NAA15: variants seen among roughly 807,000 people sequenced by gnomAD.
NAA15 encodes N-terminal acetyltransferase.
NAA15 carries 34 observed loss-of-function variants against 114.0 expected under a neutral mutation model. The ratio of observed to expected loss-of-function variants is 0.30; its 90% CI spans 0.23 to 0.40. NAA15 has a LOEUF of 0.40. NAA15 is among the 10% of genes least tolerant of loss of function. The probability of loss-of-function intolerance (pLI) is 1.00; values close to 1 mark genes in which losing one functional copy is unlikely to be tolerated. For missense variants in NAA15, 658 were observed against 1,004.5 expected, an observed-to-expected ratio of 0.66 and a Z score of 4.66; for synonymous variants, 340 against 338.0, an observed-to-expected ratio of 1.01 and a Z score of -0.06.
intron 11 of NAA15, 61 bp downstream of exon 11, chr4:139,357,616 T>C: frequency 1.8e-6 from 2 of 1,099,184 alleles, no homozygotes; most frequent in Non-Finnish European, 1.3e-6. Context: ...ACTTTTTCTC[T>C]GTATTTTATA....
intron 15 of NAA15, among the ~76,000 whole-genome samples, chr4:139,370,907 T>C (rs1359282044): frequency 6.6e-6 from 1 of 152,246 alleles, no homozygotes; most frequent in African/African-American, 2.4e-5. Flanking sequence ...ACCTCTGTTG[T>C]CAGTTTACAT....
At chr4:139,354,326 T>C (rs538165901) in intron 10 of NAA15, among the ~76,000 whole-genome samples, 9 of 152,298 alleles carry the variant, frequency 5.9e-5, no homozygotes, top group African/African-American at 1.9e-4. Context: ...TGAGACATGA[T>C]CTTGCTCTGT....
chr4:139,358,165 A>C (rs10004992), intron 11 of NAA15, among the ~76,000 whole-genome samples: 33,517 of 151,328 alleles, frequency 0.22, 4,091 homozygotes, highest in South Asian at 0.39. Context: ...AATATTTAAG[A>C]AGTTTTTTTG....
At chr4:139,304,197 C>T (rs1283391768) in intron 1 of NAA15, among the ~76,000 whole-genome samples, 3 of 152,218 alleles carry the variant, frequency 2.0e-5, no homozygotes, top group Admixed American at 2.0e-4. Context: ...CTATTACAGG[C>T]GTCAGCCACC....
At position 139,391,195 on chromosome 4, in the gene NAA15, T is replaced by C. The variant is rs887999445; in HGVS notation, c.*3111T>C. ...TAGCTAATGCCCCACTTCTTTAAGT[T>C]ATAAACAAAGTTTCATGATACCATT... On this transcript the variant is annotated 3_prime_UTR_variant, in exon 20 of 20. Coordinates refer to ENST00000296543, the MANE Select transcript of NAA15 (RefSeq NM_057175.5). 2 of 152,210 alleles carry C rather than the reference T, an allele frequency of 1.3e-5. No individual in the cohort carries two copies. The allele number at this position is 152,210 out of a possible 1,614,324, so 9.4% of individuals were successfully genotyped here. A position where few individuals can be genotyped will look rare whatever the true frequency, so the allele number is the denominator to read the frequency against.
chr4:139,374,009 A>AT (rs540557977), intron 15 of NAA15, among the ~76,000 whole-genome samples: 3 of 151,606 alleles, frequency 2.0e-5, no homozygotes, highest in Non-Finnish European at 4.4e-5. Flanking sequence ...CCAGCCTAGC[A>AT]TTTTTTTTCC....
At chr4:139,314,267 G>A (rs1444326976) in intron 1 of NAA15, among the ~76,000 whole-genome samples, 1 of 151,818 alleles carries the variant, frequency 6.6e-6, no homozygotes, top group African/African-American at 2.4e-5. Context: ...AAGGGGATCT[G>A]AGGTAGTTGT....
chr4:139,341,189 T>C (rs1044425977), intron 4 of NAA15, 120 bp downstream of exon 4: 9 of 684,494 alleles, frequency 1.3e-5, no homozygotes, highest in Admixed American at 7.7e-5. Context: ...AATTTTTTTT[T>C]CCTCCTACCA....
At chr4:139,312,642 G>T (rs1746259440) in intron 1 of NAA15, among the ~76,000 whole-genome samples, 1 of 151,776 alleles carries the variant, frequency 6.6e-6, no homozygotes, top group African/African-American at 2.4e-5. Flanking sequence ...TCGGGAGTTT[G>T]AGACCAGCCT....
intron 7 of NAA15, among the ~76,000 whole-genome samples, chr4:139,350,765 G>A (rs1177567714): frequency 6.6e-6 from 1 of 152,170 alleles, no homozygotes; most frequent in East Asian, 1.9e-4. Context: ...GAATAGTTAG[G>A]AGAAGTACCA....
Position 139,375,463 on chromosome 4 carries a change from C to CT in NAA15, c.1948-898dup, listed in dbSNP as rs199917066. On this transcript the variant is annotated intron_variant, in intron 15 of 19. Coordinates refer to ENST00000296543, the MANE Select transcript of NAA15 (RefSeq NM_057175.5). ...CACTGCTTTTCTTTTCTTTTCTTTT[C>CT]TTTTCTTTTTTTAAATGCAGTGAAA... Among the ~76,000 whole-genome samples, 735 of 145,598 alleles carry CT rather than the reference C, an allele frequency of 5.0e-3. 1 individual carries two copies. The highest frequency in any genetic ancestry group is 6.6e-3 in the African/African-American group (258 of 39,238).
intron 1 of NAA15, among the ~76,000 whole-genome samples, chr4:139,314,331 A>G (rs1560952301): frequency 6.6e-6 from 1 of 151,846 alleles, no homozygotes; most frequent in Non-Finnish European, 1.5e-5. Context: ...TGTTTTGGCT[A>G]GGTGCTGTTT....
chr4:139,315,372 A>C (rs536722938), intron 1 of NAA15, among the ~76,000 whole-genome samples: 62 of 151,928 alleles, frequency 4.1e-4, no homozygotes, highest in Middle Eastern at 6.8e-3. Context: ...TACAAAAATT[A>C]GCCAGGCGTG....
chr4:139,310,432 C>T (rs372358665), intron 1 of NAA15, among the ~76,000 whole-genome samples: 19 of 141,902 alleles, frequency 1.3e-4, no homozygotes, highest in African/African-American at 4.2e-4. Context: ...CCAGCCTGGG[C>T]GACAGAGCGA....
intron 12 of NAA15, among the ~76,000 whole-genome samples, chr4:139,360,189 T>G (rs372600968): frequency 2.0e-4 from 31 of 152,236 alleles, no homozygotes; most frequent in East Asian, 1.4e-3. Context: ...TGTGGTGGTG[T>G]TCTTTTTCTT....
rs1374612627 is a variant in NAA15, at chr4:139,361,759, T to C, written c.1575T>C (p.Phe525=). 1.2e-6 allele frequency: 2 copies of C among 1,608,178 alleles called. No homozygotes were observed. Among genetic ancestry groups the C allele is most frequent in the Middle Eastern group, 1.7e-4 (1 of 6,046 alleles). ...FIEITDDQFD[F]HTYCMRKITL... is the part of the protein sequence containing the mutation. ...AAATCACTGATGACCAGTTTGACTT[T>C]CATACATACTGTATGAGGAAGATTA... The change falls in exon 14 of 20, where the codon TTT becomes TTC. Residue 525 remains phenylalanine, a synonymous_variant. Coordinates refer to ENST00000296543, the MANE Select transcript of NAA15 (RefSeq NM_057175.5).
chr4:139,385,802 A>G (rs1382675163), intron 18 of NAA15, among the ~76,000 whole-genome samples: 2 of 152,204 alleles, frequency 1.3e-5, no homozygotes, highest in East Asian at 1.9e-4. Flanking sequence ...AAAGAAGACT[A>G]TCATGGTCCT....
chr4:139,387,775 G>T, intron 19 of NAA15, 109 bp from the exon 20 acceptor site: 1 of 821,784 alleles, frequency 1.2e-6, no homozygotes, highest in Non-Finnish European at 2.0e-6. Flanking sequence ...AGCTAAATAT[G>T]TGTATTTATT....
At chr4:139,309,649 T>G (rs554848799) in intron 1 of NAA15, among the ~76,000 whole-genome samples, 2 of 152,308 alleles carry the variant, frequency 1.3e-5, no homozygotes, top group South Asian at 4.1e-4. Flanking sequence ...GTTTTTGTTT[T>G]AAACTGACAG....
Sources: gnomAD v4.1 joint callset for allele counts (sites outside exome capture counted in the v4.1 genomes callset) on GRCh38, gnomAD v4.1.1 for gene constraint, MANE v1.5 for transcripts, NCBI Gene and HGNC (gene_info 2026-07-23, HGNC 2026-07-21) for gene names.